HYCC1: variants seen among roughly 807,000 people sequenced by gnomAD.
The protein encoded by HYCC1 is hyccin.
At chr7:22,911,088 T>C in the HYCC1 span, among the ~76,000 whole-genome samples, 1 of 152,210 alleles carries the variant, frequency 6.6e-6, no homozygotes, top group Non-Finnish European at 1.5e-5. Context: ...AAAGTGCTCA[T>C]TTACATGGCT....
At chr7:23,012,271 T>C in the HYCC1 span, among the ~76,000 whole-genome samples, 3 of 152,096 alleles carry the variant, frequency 2.0e-5, no homozygotes, top group African/African-American at 7.2e-5. Flanking sequence ...AAACTCACCG[T>C]CAAAGACACC....
At chr7:22,991,436 T>C in the HYCC1 span, among the ~76,000 whole-genome samples, 2 of 152,078 alleles carry the variant, frequency 1.3e-5, no homozygotes, top group African/African-American at 2.4e-5. Flanking sequence ...AATAAAATAA[T>C]TTCAAAAAGA....
At chr7:22,988,760 TA>T in the HYCC1 span, among the ~76,000 whole-genome samples, 3 of 152,216 alleles carry the variant, frequency 2.0e-5, no homozygotes, top group Non-Finnish European at 4.4e-5. Context: ...GATAGAAATC[TA>T]ACTCCCATTA....
chr7:22,973,719 T>G, the HYCC1 span, among the ~76,000 whole-genome samples: 1 of 152,206 alleles, frequency 6.6e-6, no homozygotes, highest in Non-Finnish European at 1.5e-5. Context: ...TTCTCTTTGT[T>G]TTTAAAGCCA....
the HYCC1 span, among the ~76,000 whole-genome samples, chr7:22,979,510 G>C: frequency 6.6e-6 from 1 of 152,166 alleles, no homozygotes; most frequent in Admixed American, 6.5e-5. Context: ...TTTAGCGTAG[G>C]AATTTGGAAT....
the HYCC1 span, among the ~76,000 whole-genome samples, chr7:22,929,503 A>T: frequency 6.6e-6 from 1 of 152,210 alleles, no homozygotes; most frequent in Non-Finnish European, 1.5e-5. Flanking sequence ...CAAGAAAAAA[A>T]CAAACAACCG....
At chr7:22,947,822 T>C in the HYCC1 span, among the ~76,000 whole-genome samples, 2 of 152,096 alleles carry the variant, frequency 1.3e-5, no homozygotes, top group African/African-American at 4.8e-5. Flanking sequence ...ATATCATGGT[T>C]AGTAATGGCA....
chr7:23,003,199 C>T, the HYCC1 span, among the ~76,000 whole-genome samples: 1 of 152,096 alleles, frequency 6.6e-6, no homozygotes, highest in Admixed American at 6.6e-5. Context: ...AGCAACCAGC[C>T]TGGCTCTTTT....
the HYCC1 span, among the ~76,000 whole-genome samples, chr7:22,925,087 T>C: frequency 6.6e-6 from 1 of 152,174 alleles, no homozygotes; most frequent in African/African-American, 2.4e-5. Context: ...GAAGTGGACC[T>C]CCAGTAAACT....
At chr7:22,935,664 GAGAC>G in the HYCC1 span, 1 of 152,076 alleles carries the variant, frequency 6.6e-6, no homozygotes, top group African/African-American at 2.4e-5. Context: ...TATTTATTTA[GAGAC>G]AGAGTCTTCC....
At chr7:22,976,602 C>T in the HYCC1 span, 1 of 813,796 alleles carries the variant, frequency 1.2e-6, no homozygotes, top group Non-Finnish European at 2.1e-6. Context: ...TTGTCACACA[C>T]AACTCATTAA....
chr7:22,928,992 G>GGTACCA, the HYCC1 span, among the ~76,000 whole-genome samples: 4 of 152,064 alleles, frequency 2.6e-5, no homozygotes, highest in Non-Finnish European at 5.9e-5. Flanking sequence ...CCAAAACAGA[G>GGTACCA]ATATAGACCA....
chr7:22,969,715 G>C, the HYCC1 span, among the ~76,000 whole-genome samples: 1 of 151,824 alleles, frequency 6.6e-6, no homozygotes. Context: ...GTAGAGGTGG[G>C]GTTTTGCCAT....
chr7:23,012,951 G>C, the HYCC1 span, among the ~76,000 whole-genome samples: 1 of 152,198 alleles, frequency 6.6e-6, no homozygotes, highest in Admixed American at 6.5e-5. Flanking sequence ...CAGTCTCTGA[G>C]ATAAGAAGTA....
the HYCC1 span, among the ~76,000 whole-genome samples, chr7:22,988,315 C>T: frequency 6.6e-6 from 1 of 152,160 alleles, no homozygotes; most frequent in Non-Finnish European, 1.5e-5. Context: ...GGAGAAACTA[C>T]TTAAACTACA....
At chr7:22,975,918 C>T in the HYCC1 span, among the ~76,000 whole-genome samples, 1 of 152,040 alleles carries the variant, frequency 6.6e-6, no homozygotes. Context: ...AGGGGTCTTG[C>T]TATGTTGCCC....
chr7:23,008,066 T>A, the HYCC1 span, among the ~76,000 whole-genome samples: 2 of 152,108 alleles, frequency 1.3e-5, no homozygotes, highest in African/African-American at 2.4e-5. Flanking sequence ...TTCTGATCAA[T>A]GTCCTAAGAA....
chr7:23,000,729 A>G, the HYCC1 span, among the ~76,000 whole-genome samples: 1 of 152,108 alleles, frequency 6.6e-6, no homozygotes, highest in African/African-American at 2.4e-5. Context: ...CTGCAAGGAG[A>G]GACTTAATAA....
the HYCC1 span, among the ~76,000 whole-genome samples, chr7:22,920,711 C>A: frequency 6.6e-6 from 1 of 152,074 alleles, no homozygotes; most frequent in Non-Finnish European, 1.5e-5. Flanking sequence ...AAAATATATA[C>A]CGGCATAAAT....
Sources: gnomAD v4.1 joint callset for allele counts (sites outside exome capture counted in the v4.1 genomes callset) on GRCh38, gnomAD v4.1.1 for gene constraint, MANE v1.5 for transcripts, NCBI Gene and HGNC (gene_info 2026-07-23, HGNC 2026-07-21) for gene names.